Variants in BIRC2 observed in about 807,000 individuals in gnomAD.
The protein encoded by BIRC2 is baculoviral IAP repeat-containing protein 2.
A neutral mutation model predicts 60.9 loss-of-function variants in BIRC2; 18 were observed. That is an observed-to-expected ratio of 0.30 (90% CI 0.20 to 0.44). The LOEUF (loss-of-function observed/expected upper bound fraction) is 0.44. Ranked by LOEUF, BIRC2 falls within the 20% of genes least tolerant of loss-of-function variation. The pLI is 1.00. For missense variants in BIRC2, 701 were observed against 728.5 expected (o/e 0.96, Z 0.43); for synonymous variants, 282 against 247.7 (o/e 1.14, Z -1.30).
intron 6 of BIRC2, among the ~76,000 whole-genome samples, chr11:102,376,327 A>C (rs1047711046): frequency 2.6e-5 from 4 of 152,234 alleles, no homozygotes; most frequent in Non-Finnish European, 5.9e-5. Flanking sequence ...TGGGAATGAC[A>C]TGGAGATCTT....
chr11:102,364,544 C>T (rs562205694), intron 5 of BIRC2, among the ~76,000 whole-genome samples: 10 of 152,128 alleles, frequency 6.6e-5, no homozygotes, highest in African/African-American at 2.4e-4. Context: ...TAATGTTAGC[C>T]ACATCTGTCA....
chr11:102,350,856 A>G lies in BIRC2; in HGVS notation c.908A>G (p.Asp303Gly), dbSNP rs1203676635. The G allele has an allele frequency of 6.2e-7, 1 of 1,613,870 alleles. No individual in the cohort carries two copies. The highest frequency in any genetic ancestry group is 8.5e-7 in the Non-Finnish European group (1 of 1,179,894). Residue 303 changes from aspartate (D) to glycine (G), a missense_variant, in exon 3 of 9, where the codon GAT (aspartate) becomes GGT (glycine). Around this residue, in one of 4 missense-constraint regions of BIRC2, gnomAD observed 375 missense variants for 365.9 expected, o/e 1.02. Coordinates refer to ENST00000227758, the MANE Select transcript of BIRC2 (RefSeq NM_001166.5). ...TTTTTTCCTGAAGGTCGCAATGATG[A>G]TGTCAAATGCTTTTGTTGTGATGGT... ...AGFYYVGRND[D>G]VKCFCCDGGL...
At chr11:102,376,854 A>G (rs967714001) in intron 6 of BIRC2, among the ~76,000 whole-genome samples, 1 of 152,174 alleles carries the variant, frequency 6.6e-6, no homozygotes, top group African/African-American at 2.4e-5. Context: ...ACAGATGAGG[A>G]AACTGAGGTG....
intron 3 of BIRC2, 150 bp downstream of exon 3, chr11:102,351,093 T>C (rs1484726143): frequency 2.7e-6 from 2 of 752,650 alleles, no homozygotes; most frequent in East Asian, 2.7e-5. Flanking sequence ...ATTTTAACTT[T>C]AATTATTTTG....
intron 3 of BIRC2, among the ~76,000 whole-genome samples, chr11:102,360,387 G>A (rs143650097): frequency 1.9e-3 from 283 of 149,196 alleles, no homozygotes; most frequent in South Asian, 8.5e-3. Flanking sequence ...CACATGATCT[G>A]CCTTTGAGTT....
intron 3 of BIRC2, among the ~76,000 whole-genome samples, chr11:102,354,944 G>GTT (rs61520984): frequency 0.061 from 5,417 of 89,424 alleles, 132 homozygotes; most frequent in Non-Finnish European, 0.088. Flanking sequence ...AATTATTTGG[G>GTT]TTTTTTTTTT....
At chr11:102,375,200 A>G (rs117084793) in intron 6 of BIRC2, among the ~76,000 whole-genome samples, 3,416 of 152,140 alleles carry the variant, frequency 0.022, 69 homozygotes, top group Middle Eastern at 0.037. Context: ...CCCTCCTTCA[A>G]TAAATATTTG....
intron 3 of BIRC2, among the ~76,000 whole-genome samples, chr11:102,354,965 T>G (rs1242394018): frequency 6.7e-6 from 1 of 148,776 alleles, no homozygotes; most frequent in Non-Finnish European, 1.5e-5. Flanking sequence ...TTTTTTTTTT[T>G]GCTATTGAGT....
rs1370047357 is a variant in BIRC2, at chr11:102,362,972, C to T, written c.1072C>T (p.Gln358Ter). The part of the protein sequence containing the change: ...IQGRYPHLLE[Q>*]LLSTSDTTGE... ...AGGTAGATATCCTCATCTTCTTGAA[C>T]AGGTAAATACATTTTTAAAATTAAC... The change falls in exon 4 of 9, where the codon CAG becomes TAG. Residue 358 changes from glutamine (Q) to a stop codon, truncating the protein, a stop_gained and splice_region_variant. Coordinates refer to ENST00000227758, the MANE Select transcript of BIRC2 (RefSeq NM_001166.5). LOFTEE classifies it high-confidence loss of function. 1.3e-6 allele frequency: 2 copies of T among 1,598,106 alleles called. No individual in the cohort carries two copies. Among genetic ancestry groups the T allele is most frequent in the Non-Finnish European group, 8.6e-7 (1 of 1,167,158 alleles).
chr11:102,372,492 A>C (rs1951645443), intron 6 of BIRC2, among the ~76,000 whole-genome samples: 1 of 152,086 alleles, frequency 6.6e-6, no homozygotes, highest in South Asian at 2.1e-4. Context: ...AGTGTTTCTT[A>C]ATCCTGAGTT....
rs548847112 is a variant in BIRC2 at position 102,353,101 on chromosome 11, G to A, written c.995+2158G>A. Among the ~76,000 whole-genome samples, 6 of 152,038 alleles carry A rather than the reference G, an allele frequency of 3.9e-5. No individual in the cohort carries two copies. The South Asian group carries it at 1.2e-3, about 32-fold the overall frequency. The stretch of plus-strand genomic sequence containing the variant: ...CTTTTAAATGACTTAATTATGTTGG[G>A]CTCTATGGGATTATATACATTAATT... On this transcript the variant is annotated intron_variant, in intron 3 of 8. Coordinates refer to ENST00000227758, the MANE Select transcript of BIRC2 (RefSeq NM_001166.5).
intron 6 of BIRC2, 110 bp from the exon 7 acceptor site, chr11:102,377,386 G>T: frequency 1.0e-6 from 1 of 966,938 alleles, no homozygotes; most frequent in Non-Finnish European, 1.5e-6. Context: ...GTTCTTTTTT[G>T]AACTTTATTT....
At position 102,363,682 on chromosome 11, in the gene BIRC2, A is replaced by G; in HGVS notation, c.1089A>G (p.Ser363=). 1 of 1,612,252 alleles carries G rather than the reference A, an allele frequency of 6.2e-7. No individual in the cohort carries two copies. The highest frequency in any genetic ancestry group is 8.5e-7 in the Non-Finnish European group (1 of 1,178,688). ...TTGTTTCATAGCTGTTGTCAACTTC[A>G]GATACCACTGGAGAAGAAAATGCTG... ...PHLLEQLLST[S]DTTGEENADP... Residue 363 remains serine (S), a synonymous_variant, in exon 5 of 9, where the codon TCA becomes TCG. Coordinates refer to ENST00000227758, the MANE Select transcript of BIRC2 (RefSeq NM_001166.5).
intron 3 of BIRC2, among the ~76,000 whole-genome samples, chr11:102,354,814 G>T (rs1039077465): frequency 9.2e-5 from 14 of 151,862 alleles, no homozygotes; most frequent in Admixed American, 5.9e-4. Flanking sequence ...ATTTCATTTT[G>T]GTTTTAATTT....
intron 6 of BIRC2, among the ~76,000 whole-genome samples, chr11:102,368,835 T>G (rs970979256): frequency 1.3e-5 from 2 of 152,146 alleles, no homozygotes; most frequent in Non-Finnish European, 2.9e-5. Flanking sequence ...TCCATTTCTT[T>G]CTCATACATA....
At position 102,377,685 on chromosome 11, in the gene BIRC2, C is replaced by G. The variant is rs762837911; in HGVS notation, c.1556C>G (p.Ala519Gly). The change falls in exon 7 of 9, where the codon GCT becomes GGT. Residue 519 changes from alanine to glycine, a missense_variant. Physicochemically the swap from Ala to Gly is moderately conservative, Grantham distance 60. This residue lies in a region of BIRC2 where 235 missense variants were observed against 208.9 expected (regional missense o/e 1.12). Transcript: ENST00000227758. ...LIDTILVKGNAAANIFKNCLK... is the reference protein window; with the variant it reads ...LIDTILVKGNGAANIFKNCLK... ...GATACCATTTTGGTTAAAGGAAATG[C>G]TGCGGCCAACATCTTCAAAAACTGT... is the stretch of plus-strand genomic sequence containing the variant. The G allele has an allele frequency of 1.2e-5, 20 of 1,611,108 alleles. No homozygotes were observed. In the South Asian group the frequency reaches 1.6e-4, roughly 12 times the overall value.
At chr11:102,372,430 A>G (rs1224888072) in intron 6 of BIRC2, among the ~76,000 whole-genome samples, 1 of 152,138 alleles carries the variant, frequency 6.6e-6, no homozygotes. Flanking sequence ...TTATGTACCC[A>G]GTAGTCATTC....
chr11:102,358,477 A>G (rs637708), intron 3 of BIRC2, among the ~76,000 whole-genome samples: 22,995 of 152,130 alleles, frequency 0.15, 2,202 homozygotes, highest in African/African-American at 0.25. Context: ...TGTATGTTAG[A>G]TCCATTAGAT....
intron 3 of BIRC2, among the ~76,000 whole-genome samples, chr11:102,359,456 T>C (rs766236616): frequency 2.0e-5 from 3 of 152,230 alleles, no homozygotes; most frequent in Non-Finnish European, 4.4e-5. Flanking sequence ...TTTCATATGT[T>C]TCCATGTTGC....
Sources: gnomAD v4.1 joint callset for allele counts (sites outside exome capture counted in the v4.1 genomes callset) on GRCh38, gnomAD v4.1.1 for gene constraint, gnomAD v4.1.1 regional missense constraint, MANE v1.5 for transcripts, NCBI Gene and HGNC (gene_info 2026-07-23, HGNC 2026-07-21) for gene names.